COL6A6: variants seen among roughly 807,000 people sequenced by gnomAD.
The protein encoded by COL6A6 is collagen type VI alpha 6 chain.
COL6A6 carries 183 observed loss-of-function variants against 208.6 expected under a neutral mutation model. The observed-to-expected ratio is 0.88, with a 90% confidence interval of 0.78 to 0.99. COL6A6 has a LOEUF of 0.99. Ranked by LOEUF, COL6A6 falls within the 50% of genes least tolerant of loss-of-function variation. COL6A6 has a pLI of 0.00. For missense variants in COL6A6, 2,816 were observed against 2,815.2 expected (o/e 1.00, Z -0.01); for synonymous variants, 973 against 1,011.8 (o/e 0.96, Z 0.73).
chr3:130,571,600 T>C (rs927782252), intron 7 of COL6A6, among the ~76,000 whole-genome samples: 1 of 152,214 alleles, frequency 6.6e-6, no homozygotes, highest in Non-Finnish European at 1.5e-5. Context: ...AGAGATACTT[T>C]CTGCAGCATT....
At chr3:130,617,159 G>A (rs538650590) in intron 23 of COL6A6, among the ~76,000 whole-genome samples, 1 of 152,132 alleles carries the variant, frequency 6.6e-6, no homozygotes, top group Admixed American at 6.6e-5. Flanking sequence ...TGGTCCATTA[G>A]CCATTCCTTT....
intron 1 of COL6A6, among the ~76,000 whole-genome samples, chr3:130,536,951 G>A (rs2062239965): frequency 6.6e-6 from 1 of 152,278 alleles, no homozygotes; most frequent in East Asian, 1.9e-4. Context: ...AGGTATTGAC[G>A]AATGGCTGGA....
In COL6A6 at chr3:130,672,735, G is replaced by A. The variant is rs191760620; in HGVS notation, c.6597-2467G>A. Among the ~76,000 whole-genome samples the A allele has an allele frequency of 6.6e-5, 10 of 151,580 alleles. No individual in the cohort carries two copies. The East Asian group carries it at 1.6e-3, about 25-fold the overall frequency. On this transcript the variant is annotated intron_variant, in intron 36 of 36. Transcript: ENST00000358511. Reference sequence around the variant, plus strand: ...ATTTTTATTAAGTGATTATTGCCGGGTGTGGCGGCTCACACCTGTAATCCC... The same window carrying A: ...ATTTTTATTAAGTGATTATTGCCGGATGTGGCGGCTCACACCTGTAATCCC...
intron 33 of COL6A6, among the ~76,000 whole-genome samples, chr3:130,656,082 G>T (rs769689558): frequency 1.2e-4 from 19 of 152,188 alleles, no homozygotes; most frequent in Non-Finnish European, 2.4e-4. Flanking sequence ...CCCAGAGAGG[G>T]TATCACAGCC....
intron 32 of COL6A6, among the ~76,000 whole-genome samples, chr3:130,647,873 T>A (rs2065507696): frequency 6.6e-6 from 1 of 152,254 alleles, no homozygotes; most frequent in African/African-American, 2.4e-5. Context: ...ATCCCAGCAC[T>A]AGGCATCTCA....
At chr3:130,587,731 C>T (rs2063574708) in intron 11 of COL6A6, among the ~76,000 whole-genome samples, 1 of 152,178 alleles carries the variant, frequency 6.6e-6, no homozygotes, top group Admixed American at 6.5e-5. Flanking sequence ...TGTTTTCCAC[C>T]TATAAAATTC....
At chr3:130,675,109 G>A in intron 36 of COL6A6, 93 bp from the exon 37 acceptor site, 1 of 832,216 alleles carries the variant, frequency 1.2e-6, no homozygotes, top group South Asian at 3.7e-5. Context: ...AAGGAAATGG[G>A]TGAAACAATT....
At chr3:130,592,339 G>A (rs1576287311) in intron 13 of COL6A6, among the ~76,000 whole-genome samples, 2 of 152,310 alleles carry the variant, frequency 1.3e-5, no homozygotes, top group East Asian at 3.9e-4. Flanking sequence ...CAGGCAGTAT[G>A]CAAGTGGGAT....
chr3:130,596,671 A>G (rs1251042637), intron 18 of COL6A6, among the ~76,000 whole-genome samples: 1 of 152,146 alleles, frequency 6.6e-6, no homozygotes, highest in Non-Finnish European at 1.5e-5. Context: ...GGAATTTCCC[A>G]TCTTGACGAG....
At chr3:130,530,909 T>G (rs2107701319) in intron 1 of COL6A6, among the ~76,000 whole-genome samples, 1 of 152,148 alleles carries the variant, frequency 6.6e-6, no homozygotes, top group East Asian at 1.9e-4. Flanking sequence ...CTGCTGGAAT[T>G]TCCAACTTGT....
At chr3:130,626,344 C>T (rs1415050135) in intron 24 of COL6A6, 141 bp from the exon 25 acceptor site, 5 of 662,380 alleles carry the variant, frequency 7.5e-6, no homozygotes, top group African/African-American at 3.6e-5. Context: ...CCCTGGCCAA[C>T]AACAGCAGTT....
intron 17 of COL6A6, among the ~76,000 whole-genome samples, chr3:130,593,906 ACTTTGT>A (rs200563147): frequency 0.021 from 3,263 of 152,278 alleles, 49 homozygotes; most frequent in Non-Finnish European, 0.03. Context: ...TTCATCCTCT[ACTTTGT>A]CTTTAGAGTG....
At chr3:130,607,026 G>A (rs981411736) in intron 21 of COL6A6, 60 bp downstream of exon 21, 11 of 1,339,344 alleles carry the variant, frequency 8.2e-6, no homozygotes, top group Non-Finnish European at 1.2e-5. Context: ...CAGGGAGCTG[G>A]AATAAAGTCT....
chr3:130,593,312 A>T, intron 17 of COL6A6, 60 bp downstream of exon 17: 6 of 1,296,868 alleles, frequency 4.6e-6, no homozygotes, highest in Non-Finnish European at 6.7e-6. Flanking sequence ...TGTGATTAAC[A>T]GAGTAGAATA....
chr3:130,619,270 G>A (rs1468622308), intron 23 of COL6A6, among the ~76,000 whole-genome samples: 1 of 152,172 alleles, frequency 6.6e-6, no homozygotes, highest in Non-Finnish European at 1.5e-5. Flanking sequence ...GGAAGTTTGA[G>A]TATTCTTCCT....
chr3:130,576,338 CA>C (rs1311671241), intron 8 of COL6A6, among the ~76,000 whole-genome samples: 4 of 152,122 alleles, frequency 2.6e-5, no homozygotes, highest in Admixed American at 2.6e-4. Context: ...CAGCTCTCTC[CA>C]AACACTTTTC....
rs2065952090 is a variant in COL6A6, at chr3:130,662,128, G to A, written c.6322G>A (p.Ala2108Thr). 6.2e-7 allele frequency: 1 copy of A among 1,613,876 alleles called. No homozygotes were observed. The highest frequency in any genetic ancestry group is 1.3e-5 in the African/African-American group (1 of 74,928). Residue 2108 changes from alanine to threonine, a missense_variant, in exon 35 of 37, where the codon GCC (alanine) becomes ACC (threonine). By Grantham distance (58) the Ala-to-Thr change is moderately conservative. Coordinates refer to ENST00000358511, the MANE Select transcript of COL6A6 (RefSeq NM_001102608.3). Reference sequence around the variant, plus strand: ...AATCTTAAAGAAGGAATCCTTGCGAGCCAAATGTCAGGGATATGCCTTATT... The same window carrying A: ...AATCTTAAAGAAGGAATCCTTGCGAACCAAATGTCAGGGATATGCCTTATT... The part of the protein sequence containing the change: ...GEILKKESLR[A>T]KCQGYALFVF...
At chr3:130,528,614 A>G (rs1018217892) in intron 1 of COL6A6, among the ~76,000 whole-genome samples, 17 of 152,206 alleles carry the variant, frequency 1.1e-4, no homozygotes, top group African/African-American at 4.1e-4. Context: ...AAAGCAGAGC[A>G]TCATTTTGGC....
chr3:130,606,380 AG>A (rs34646667), intron 20 of COL6A6, among the ~76,000 whole-genome samples: 22,864 of 151,870 alleles, frequency 0.15, 2,637 homozygotes, highest in African/African-American at 0.32. Flanking sequence ...TGAATGTTTG[AG>A]ATAATTCTTT....
Sources: gnomAD v4.1 joint callset for allele counts (sites outside exome capture counted in the v4.1 genomes callset) on GRCh38, gnomAD v4.1.1 for gene constraint, MANE v1.5 for transcripts, NCBI Gene and HGNC (gene_info 2026-07-23, HGNC 2026-07-21) for gene names.